Variants in TMEM209 observed in about 807,000 individuals in gnomAD.
The protein encoded by TMEM209 is transmembrane protein 209.
Under a neutral mutation model 76.2 loss-of-function variants are expected in TMEM209, and 65 were observed. The ratio of observed to expected loss-of-function variants is 0.85; its 90% CI spans 0.70 to 1.05. The LOEUF (loss-of-function observed/expected upper bound fraction) is 1.05, where lower values mean the gene tolerates loss of function less well. Ranked by LOEUF, TMEM209 falls within the 50% of genes least tolerant of loss-of-function variation. The pLI is 0.00. For missense variants in TMEM209, 623 were observed against 685.5 expected (o/e 0.91, Z 1.02); for synonymous variants, 239 against 237.6 (o/e 1.01, Z -0.06).
intron 8 of TMEM209, 110 bp downstream of exon 8, chr7:130,184,074 C>A (rs754957870): frequency 3.1e-4 from 221 of 702,148 alleles, no homozygotes; most frequent in Non-Finnish European, 3.9e-4. Flanking sequence ...TCATACTGTA[C>A]CTTTATAACT....
intron 4 of TMEM209, among the ~76,000 whole-genome samples, 153 bp from the exon 5 acceptor site, chr7:130,202,244 C>G (rs1417426109): frequency 1.3e-5 from 2 of 152,176 alleles, no homozygotes; most frequent in African/African-American, 4.8e-5. Context: ...CCAAAGGACA[C>G]AAATTACGTG....
intron 11 of TMEM209, 103 bp from the exon 12 acceptor site, chr7:130,174,042 A>C (rs1051025596): frequency 1.3e-6 from 1 of 763,318 alleles, no homozygotes; most frequent in Non-Finnish European, 2.1e-6. Flanking sequence ...CAATTAAAAA[A>C]TTTTTTCTCT....
At chr7:130,191,635 AG>A (rs1797799984) in intron 6 of TMEM209, among the ~76,000 whole-genome samples, 2 of 152,314 alleles carry the variant, frequency 1.3e-5, no homozygotes, top group Admixed American at 6.5e-5. Context: ...GAGAAAAAAA[AG>A]GTAACCAAGC....
At chr7:130,195,213 T>TA (rs1797929891) in intron 5 of TMEM209, among the ~76,000 whole-genome samples, 1 of 152,176 alleles carries the variant, frequency 6.6e-6, no homozygotes, top group Admixed American at 6.5e-5. Flanking sequence ...ATACACCTTA[T>TA]ACATTAGCAT....
rs890669689 is a variant in TMEM209, at chr7:130,165,023, A to G, written c.*1428T>C. The G allele has an allele frequency of 2.0e-5, 3 of 152,238 alleles. No homozygotes were observed. The highest frequency in any genetic ancestry group is 4.4e-5 in the Non-Finnish European group (3 of 68,018). 9.4% of individuals were successfully genotyped at this position (152,238 alleles called of 1,614,324 possible). ...CTGTACTGACTTAAATTTGGAATTT[A>G]CTAATTACTGGGGATACTTTAGTGA... On this transcript the variant is annotated 3_prime_UTR_variant, in exon 15 of 15. Coordinates refer to ENST00000397622, the MANE Select transcript of TMEM209 (RefSeq NM_032842.4).
In TMEM209 at chr7:130,192,342, T is replaced by C. The variant is rs1183755202; in HGVS notation, c.775+280A>G. The stretch of plus-strand genomic sequence containing the variant: ...GTTCACTACGCACTGCTTCAAAACA[T>C]TATTTTGTAGCCTCAACTTTAAATA... On this transcript the variant is annotated intron_variant, in intron 6 of 14. Transcript: ENST00000397622. 1.8e-5 allele frequency: 7 copies of C among 384,748 alleles called. No individual in the cohort carries two copies. The East Asian group carries it at 3.3e-4, about 18-fold the overall frequency. The allele number at this position is 384,748 out of a possible 1,614,324, so 23.8% of individuals were successfully genotyped here.
At chr7:130,197,411 T>C (rs1161381642) in intron 5 of TMEM209, among the ~76,000 whole-genome samples, 4 of 152,208 alleles carry the variant, frequency 2.6e-5, no homozygotes, top group African/African-American at 9.6e-5. Context: ...CATGATGTAC[T>C]TACAGTATCA....
chr7:130,182,875 T>A (rs957993816), intron 8 of TMEM209, among the ~76,000 whole-genome samples: 6 of 152,226 alleles, frequency 3.9e-5, no homozygotes, highest in Admixed American at 3.3e-4. Flanking sequence ...TGAATTCACA[T>A]GAAGCTATTT....
chr7:130,186,970 C>T (rs573324448), intron 6 of TMEM209, among the ~76,000 whole-genome samples: 5 of 152,158 alleles, frequency 3.3e-5, no homozygotes, highest in Non-Finnish European at 5.9e-5. Flanking sequence ...GGCCAGTGCG[C>T]GGTGGCTCAC....
intron 14 of TMEM209, among the ~76,000 whole-genome samples, chr7:130,167,030 G>A (rs1796904087): frequency 6.6e-6 from 1 of 151,940 alleles, no homozygotes; most frequent in Non-Finnish European, 1.5e-5. Context: ...AAGTCTGAGG[G>A]AATAAGAGGG....
chr7:130,174,441 C>T (rs1347818072), intron 11 of TMEM209, among the ~76,000 whole-genome samples: 1 of 152,140 alleles, frequency 6.6e-6, no homozygotes, highest in Non-Finnish European at 1.5e-5. Context: ...CCATTCCCTA[C>T]ATATTTGATC....
chr7:130,195,906 C>G (rs1413013842), intron 5 of TMEM209, among the ~76,000 whole-genome samples: 2 of 152,072 alleles, frequency 1.3e-5, no homozygotes, highest in African/African-American at 2.4e-5. Context: ...TTAATATATA[C>G]ATTGTCTTAT....
chr7:130,203,897 C>A, intron 2 of TMEM209, 51 bp from the exon 3 acceptor site: 3 of 1,590,132 alleles, frequency 1.9e-6, no homozygotes, highest in Non-Finnish European at 2.6e-6. Context: ...CACCAAAAAT[C>A]AAAAACAAAC....
chr7:130,201,546 A>C (rs1463113174), intron 5 of TMEM209, among the ~76,000 whole-genome samples: 2 of 152,226 alleles, frequency 1.3e-5, no homozygotes, highest in Admixed American at 6.5e-5. Context: ...AAGGAAAGCA[A>C]GAGGGAAAAC....
chr7:130,182,821 T>G (rs1470062222), intron 8 of TMEM209, among the ~76,000 whole-genome samples: 1 of 152,188 alleles, frequency 6.6e-6, no homozygotes, highest in East Asian at 1.9e-4. Flanking sequence ...TTTCTTGTAA[T>G]CCATGTAAGG....
intron 13 of TMEM209, among the ~76,000 whole-genome samples, chr7:130,171,982 G>A (rs1025985222): frequency 1.1e-4 from 16 of 151,516 alleles, no homozygotes; most frequent in Admixed American, 3.3e-4. Context: ...GCAGTGAGCC[G>A]AGATCACACC....
At chr7:130,175,461 C>T in intron 11 of TMEM209, 51 bp downstream of exon 11, 2 of 1,519,046 alleles carry the variant, frequency 1.3e-6, no homozygotes, top group South Asian at 2.4e-5. Flanking sequence ...GACCCTGTGT[C>T]AGTCAATCAA....
At position 130,188,252 on chromosome 7, in the gene TMEM209, C is replaced by T. The variant is rs146397679; in HGVS notation, c.776-2885G>A. 6.8e-4 allele frequency among the ~76,000 whole-genome samples: 103 copies of T among 152,252 alleles called. 1 individual carries two copies. The highest frequency in any genetic ancestry group is 3.4e-3 in the Middle Eastern group (1 of 294). On this transcript the variant is annotated intron_variant, in intron 6 of 14. Transcript: ENST00000397622. ...GGGGTGGGGGTAAAACAGAATGCTC[C>T]TCTTTAGAGAAGAATGCCAAACTAT...
chr7:130,171,469 A>G (rs1370877184), intron 13 of TMEM209, among the ~76,000 whole-genome samples: 1 of 123,746 alleles, frequency 8.1e-6, no homozygotes, highest in African/African-American at 3.1e-5. Flanking sequence ...TTTAAAAGAT[A>G]ATGTTTACAC....
Sources: gnomAD v4.1 joint callset for allele counts (sites outside exome capture counted in the v4.1 genomes callset) on GRCh38, gnomAD v4.1.1 for gene constraint, MANE v1.5 for transcripts, NCBI Gene and HGNC (gene_info 2026-07-23, HGNC 2026-07-21) for gene names.